TNNI3K: variants seen among roughly 807,000 people sequenced by gnomAD.
TNNI3K encodes serine/threonine-protein kinase TNNI3K.
Under a neutral mutation model 114.5 loss-of-function variants are expected in TNNI3K, and 140 were observed. The observed-to-expected ratio is 1.22, with a 90% CI of 1.07 to 1.41. The LOEUF (loss-of-function observed/expected upper bound fraction) is 1.41. Ranked by LOEUF, TNNI3K falls within the 40% of genes most tolerant of loss-of-function variation. The pLI is 0.00. For synonymous variants in TNNI3K, 347 were observed against 347.5 expected, an observed-to-expected ratio of 1.00 and a Z score of 0.02; for missense variants, 1,125 against 1,007.6, an observed-to-expected ratio of 1.12 and a Z score of -1.58.
intron 2 of TNNI3K, among the ~76,000 whole-genome samples, chr1:74,246,203 G>A (rs1481910738): frequency 6.6e-6 from 1 of 152,184 alleles, no homozygotes; most frequent in East Asian, 1.9e-4. Flanking sequence ...ATGATTCTTA[G>A]AAATGTGTGG....
intron 4 of TNNI3K, among the ~76,000 whole-genome samples, chr1:74,263,107 G>A (rs1219161727): frequency 6.6e-6 from 1 of 152,016 alleles, no homozygotes; most frequent in Non-Finnish European, 1.5e-5. Context: ...AAAGACTGTG[G>A]TAACTTAGAA....
intron 9 of TNNI3K, 27 bp downstream of exon 9, chr1:74,343,206 C>T (rs200823149): frequency 6.9e-6 from 11 of 1,586,798 alleles, no homozygotes; most frequent in Non-Finnish European, 6.9e-6. Flanking sequence ...GTGCAATAGC[C>T]ACTAAACTTA....
At position 74,369,244 on chromosome 1, in the gene TNNI3K, T is replaced by C. The variant is rs1662458474; in HGVS notation, c.1452T>C (p.Asn484=). Residue 484 remains asparagine, a synonymous_variant, in exon 15 of 25, where the codon AAT becomes AAC. Coordinates refer to ENST00000326637, the MANE Select transcript of TNNI3K (RefSeq NM_015978.3). The part of the protein sequence containing the change: ...FGKVYKGRCR[N]KIVAIKRYRA... Reference sequence around the variant, plus strand: ...AAGTATATAAAGGACGATGCAGAAATAAAATAGTGGCTATAAAACGGTAAG... The same window carrying C: ...AAGTATATAAAGGACGATGCAGAAACAAAATAGTGGCTATAAAACGGTAAG... The C allele has an allele frequency of 6.2e-7, 1 of 1,611,954 alleles. No individual in the cohort carries two copies. Among genetic ancestry groups the C allele is most frequent in the African/African-American group, 1.3e-5 (1 of 74,760 alleles).
intron 21 of TNNI3K, among the ~76,000 whole-genome samples, chr1:74,465,318 C>T (rs1227361212): frequency 1.3e-5 from 2 of 152,190 alleles, no homozygotes; most frequent in Non-Finnish European, 2.9e-5. Flanking sequence ...GCTCGGGTGC[C>T]AGCATGAGTT....
chr1:74,235,721 G>C (rs1402707316), intron 1 of TNNI3K, among the ~76,000 whole-genome samples: 2 of 150,318 alleles, frequency 1.3e-5, no homozygotes, highest in Non-Finnish European at 3.0e-5. Flanking sequence ...TTGGTATAAT[G>C]TTACAGAAAA....
rs116308490 is a variant in TNNI3K at position 74,498,095 on chromosome 1, T to C, written c.2351+5829T>C. On this transcript the variant is annotated intron_variant, in intron 23 of 24. Transcript: ENST00000326637. ...GGTTTCTCCAATGTTTTGGGCAATC[T>C]CAAAAAACAAAAAATTATCTTACAC... is the stretch of plus-strand genomic sequence containing the variant. 9.1e-3 allele frequency among the ~76,000 whole-genome samples: 1,385 copies of C among 152,234 alleles called. 24 individuals are homozygous for C. Among genetic ancestry groups the C allele is most frequent in the African/African-American group, 0.032 (1,339 of 41,542 alleles).
chr1:74,383,836 C>G (rs1432390430), intron 17 of TNNI3K, among the ~76,000 whole-genome samples: 1 of 151,980 alleles, frequency 6.6e-6, no homozygotes, highest in African/African-American at 2.4e-5. Context: ...ATTAAATCTT[C>G]GTAGCTCTAT....
At chr1:74,441,498 G>T (rs765386878) in intron 20 of TNNI3K, among the ~76,000 whole-genome samples, 9 of 152,096 alleles carry the variant, frequency 5.9e-5, no homozygotes, top group Non-Finnish European at 8.8e-5. Context: ...TGAGGCTTTT[G>T]TGTGGTTGTT....
intron 17 of TNNI3K, among the ~76,000 whole-genome samples, chr1:74,376,370 ATTTC>A (rs1463026178): frequency 3.9e-5 from 6 of 151,968 alleles, no homozygotes; most frequent in Non-Finnish European, 1.5e-5. Context: ...TCTCCCAGCT[ATTTC>A]TTTAACTTGT....
chr1:74,392,765 C>T (rs1663857204), intron 17 of TNNI3K, among the ~76,000 whole-genome samples: 1 of 152,164 alleles, frequency 6.6e-6, no homozygotes. Context: ...CATAATTTTT[C>T]CCCTTTATCA....
At chr1:74,278,039 C>T (rs765005316) in intron 5 of TNNI3K, among the ~76,000 whole-genome samples, 25 of 152,158 alleles carry the variant, frequency 1.6e-4, no homozygotes, top group Non-Finnish European at 2.9e-4. Flanking sequence ...CAAGAAGCCT[C>T]GGACCCTGTG....
At chr1:74,289,919 A>C (rs1657572698) in intron 5 of TNNI3K, among the ~76,000 whole-genome samples, 1 of 151,926 alleles carries the variant, frequency 6.6e-6, no homozygotes, top group Non-Finnish European at 1.5e-5. Flanking sequence ...GGAGTGCTCC[A>C]TGAGCAGTGT....
chr1:74,396,043 T>G (rs1664060790), intron 17 of TNNI3K, among the ~76,000 whole-genome samples: 2 of 152,156 alleles, frequency 1.3e-5, no homozygotes, highest in African/African-American at 4.8e-5. Flanking sequence ...GATTAGTGAA[T>G]TAACCCTCAT....
intron 21 of TNNI3K, among the ~76,000 whole-genome samples, chr1:74,488,049 C>T (rs995426715): frequency 5.3e-5 from 8 of 152,114 alleles, no homozygotes; most frequent in South Asian, 2.1e-4. Flanking sequence ...AGAGGTCAGG[C>T]TATTTTAATG....
chr1:74,423,385 C>A (rs1665490197), intron 17 of TNNI3K, among the ~76,000 whole-genome samples: 1 of 152,104 alleles, frequency 6.6e-6, no homozygotes, highest in African/African-American at 2.4e-5. Context: ...ATTAATTCAA[C>A]AAATTAGAAA....
chr1:74,414,856 G>C (rs1020117412), intron 17 of TNNI3K, among the ~76,000 whole-genome samples: 2 of 152,042 alleles, frequency 1.3e-5, no homozygotes, highest in Non-Finnish European at 2.9e-5. Flanking sequence ...TCATCTCTCT[G>C]TTTCTATTCT....
At chr1:74,503,584 T>C (rs1034117139) in intron 23 of TNNI3K, among the ~76,000 whole-genome samples, 2 of 149,562 alleles carry the variant, frequency 1.3e-5, no homozygotes, top group African/African-American at 5.0e-5. Context: ...GACAAGACCA[T>C]TTTTTTTTAG....
At chr1:74,449,097 C>G (rs1570634773) in intron 20 of TNNI3K, among the ~76,000 whole-genome samples, 3 of 143,010 alleles carry the variant, frequency 2.1e-5, no homozygotes, top group African/African-American at 5.2e-5. Context: ...TGGTCCTGGA[C>G]TCTTTTTGGT....
chr1:74,239,380 C>T (rs1320340441), intron 2 of TNNI3K, among the ~76,000 whole-genome samples: 1 of 152,044 alleles, frequency 6.6e-6, no homozygotes, highest in Non-Finnish European at 1.5e-5. Flanking sequence ...GAAGATCAAA[C>T]CTAACACTGT....
Sources: allele counts gnomAD v4.1 joint callset (sites outside exome capture counted in the v4.1 genomes callset), GRCh38; gene constraint gnomAD v4.1.1; transcripts MANE v1.5; gene names NCBI Gene and HGNC (gene_info 2026-07-23, HGNC 2026-07-21).